Variants in EPHA4 observed in about 807,000 individuals in gnomAD.
EPHA4 encodes the protein EPH receptor A4.
In EPHA4, 19 loss-of-function variants were observed where a neutral mutation model predicts 108.3. That is an observed-to-expected ratio of 0.18 (90% CI 0.12 to 0.26). The LOEUF is 0.26. EPHA4 is among the 10% of genes least tolerant of loss of function. The pLI, the probability that EPHA4 is intolerant of heterozygous loss-of-function variation, is 1.00. For missense variants in EPHA4, 917 were observed against 1,254.0 expected, an observed-to-expected ratio of 0.73 and a Z score of 4.06; for synonymous variants, 449 against 455.5, an observed-to-expected ratio of 0.99 and a Z score of 0.18.
chr2:221,468,398 G>T (rs187061269), intron 5 of EPHA4, among the ~76,000 whole-genome samples: 2 of 152,280 alleles, frequency 1.3e-5, no homozygotes, highest in East Asian at 1.9e-4. Flanking sequence ...ATGCATCAAG[G>T]CTTCTATTCC....
intron 1 of EPHA4, chr2:221,569,270 C>T (rs1694758505): frequency 6.6e-6 from 1 of 152,276 alleles, no homozygotes; most frequent in Admixed American, 6.5e-5. Flanking sequence ...GGAAAAGGCT[C>T]TCCCTAACAT....
intron 3 of EPHA4, among the ~76,000 whole-genome samples, chr2:221,544,619 G>A (rs1693932653): frequency 6.6e-6 from 1 of 152,092 alleles, no homozygotes; most frequent in African/African-American, 2.4e-5. Flanking sequence ...CACGCTACAG[G>A]CTACAGGCTT....
chr2:221,480,553 T>C (rs1054183687), intron 5 of EPHA4, among the ~76,000 whole-genome samples: 2 of 152,180 alleles, frequency 1.3e-5, no homozygotes, highest in African/African-American at 4.8e-5. Flanking sequence ...TAATAAACTG[T>C]TGGCAATCAC....
At chr2:221,555,996 T>C (rs1041263608) in intron 3 of EPHA4, among the ~76,000 whole-genome samples, 1 of 152,208 alleles carries the variant, frequency 6.6e-6, no homozygotes, top group Non-Finnish European at 1.5e-5. Flanking sequence ...CTGTGTTACC[T>C]TCCAAAGAAA....
In EPHA4 at chr2:221,436,434, G is replaced by C. The variant is rs1690241060; in HGVS notation, c.2311C>G (p.Leu771Val). 6.2e-7 allele frequency: 1 copy of C among 1,614,042 alleles called. No individual in the cohort carries two copies. The highest frequency in any genetic ancestry group is 1.3e-5 in the African/African-American group (1 of 74,910). The change falls in exon 13 of 18, where the codon CTT (leucine) becomes GTT (valine). Residue 771 changes from leucine to valine, a missense_variant. This residue lies in a region of EPHA4 where 758 missense variants were observed against 1,076.7 expected (regional missense o/e 0.70). Coordinates refer to ENST00000281821, the MANE Select transcript of EPHA4 (RefSeq NM_004438.5). The stretch of plus-strand genomic sequence containing the variant: ...TAAGCTGCTTCCGGATCATCCTCAA[G>C]CACTCGGGACATGCCAAAATCAGAC... ...KVSDFGMSRV[L>V]EDDPEAAYTT...
chr2:221,512,969 A>G (rs1377441897), intron 3 of EPHA4, among the ~76,000 whole-genome samples: 2 of 152,204 alleles, frequency 1.3e-5, no homozygotes, highest in African/African-American at 4.8e-5. Context: ...GACCTCACCC[A>G]TGCACCTAAC....
intron 3 of EPHA4, among the ~76,000 whole-genome samples, chr2:221,545,690 GA>G (rs1218450403): frequency 1.3e-5 from 2 of 152,078 alleles, no homozygotes; most frequent in African/African-American, 4.8e-5. Flanking sequence ...CTAAAACTTA[GA>G]AGTTACAGCT....
intron 3 of EPHA4, among the ~76,000 whole-genome samples, chr2:221,511,572 C>T (rs922876431): frequency 7.5e-6 from 1 of 133,172 alleles, no homozygotes; most frequent in African/African-American, 2.5e-5. Flanking sequence ...CACATGTCTG[C>T]GGGAGTCTGT....
intron 3 of EPHA4, among the ~76,000 whole-genome samples, chr2:221,553,117 A>G (rs578199929): frequency 6.6e-6 from 1 of 152,338 alleles, no homozygotes; most frequent in Admixed American, 6.5e-5. Context: ...TCAGTTTATT[A>G]TTTCATCAGT....
upstream of EPHA4, chr2:221,572,927 G>C (rs1166318420): frequency 6.6e-6 from 1 of 152,338 alleles, no homozygotes; most frequent in African/African-American, 2.4e-5. Flanking sequence ...CTGGAGAGCG[G>C]GGACCTACTT....
At chr2:221,535,066 T>G (rs527593481) in intron 3 of EPHA4, among the ~76,000 whole-genome samples, 2 of 152,308 alleles carry the variant, frequency 1.3e-5, no homozygotes, top group Admixed American at 1.3e-4. Context: ...TAAAAAGAAA[T>G]AAGCAGCACT....
intron 3 of EPHA4, among the ~76,000 whole-genome samples, chr2:221,559,100 A>G (rs1166129664): frequency 2.6e-5 from 4 of 152,198 alleles, no homozygotes; most frequent in Admixed American, 2.6e-4. Context: ...TTTTAAAACC[A>G]TTGGAACATT....
chr2:221,499,741 TATATA>T (rs1692421927), intron 4 of EPHA4, among the ~76,000 whole-genome samples: 2 of 57,414 alleles, frequency 3.5e-5, no homozygotes, highest in East Asian at 5.1e-4. Flanking sequence ...TATATATATA[TATATA>T]TATATATATA....
At chr2:221,551,626 G>A (rs904012180) in intron 3 of EPHA4, among the ~76,000 whole-genome samples, 2 of 152,092 alleles carry the variant, frequency 1.3e-5, no homozygotes, top group Non-Finnish European at 2.9e-5. Context: ...CCAACATGTT[G>A]TACAAGAGAA....
Position 221,420,830 on chromosome 2 carries a change from T to C in EPHA4, c.*820-278A>G, listed in dbSNP as rs180948033. Among the ~76,000 whole-genome samples the C allele has an allele frequency of 8.0e-4, 122 of 152,230 alleles. 2 individuals are homozygous for C. The highest frequency in any genetic ancestry group is 2.5e-3 in the African/African-American group (102 of 41,542). ...ATGAGGAAATTGAGCATAAGGAGACTAAGTACCCTGCCCAATGCCATACCC... is the reference window on the plus strand; with the variant it reads ...ATGAGGAAATTGAGCATAAGGAGACCAAGTACCCTGCCCAATGCCATACCC... On this transcript the variant is annotated intron_variant, in intron 17 of 17. Coordinates refer to ENST00000281821, the MANE Select transcript of EPHA4 (RefSeq NM_004438.5).
chr2:221,504,594 A>C (rs1692577838), intron 3 of EPHA4, among the ~76,000 whole-genome samples: 1 of 151,822 alleles, frequency 6.6e-6, no homozygotes, highest in African/African-American at 2.4e-5. Context: ...TTTTTAAGAA[A>C]TGTAGAATAA....
At chr2:221,461,236 T>C (rs1008337277) in intron 5 of EPHA4, among the ~76,000 whole-genome samples, 4 of 152,180 alleles carry the variant, frequency 2.6e-5, no homozygotes, top group Non-Finnish European at 5.9e-5. Context: ...ATCGGTGTGT[T>C]CCCTAAAATC....
At chr2:221,546,961 G>GA (rs1193741081) in intron 3 of EPHA4, among the ~76,000 whole-genome samples, 2 of 152,170 alleles carry the variant, frequency 1.3e-5, no homozygotes, top group African/African-American at 4.8e-5. Flanking sequence ...AAAGGGGGGG[G>GA]ACAAATTTTT....
At chr2:221,485,511 C>T (rs778929718) in intron 4 of EPHA4, among the ~76,000 whole-genome samples, 8 of 152,054 alleles carry the variant, frequency 5.3e-5, no homozygotes, top group Non-Finnish European at 7.4e-5. Flanking sequence ...GGGACACTGT[C>T]GCTGCCTCGA....
Sources: gnomAD v4.1 joint callset for allele counts (sites outside exome capture counted in the v4.1 genomes callset) on GRCh38, gnomAD v4.1.1 for gene constraint, gnomAD v4.1.1 regional missense constraint, MANE v1.5 for transcripts, NCBI Gene and HGNC (gene_info 2026-07-23, HGNC 2026-07-21) for gene names.